Variants in BCAS3 observed in about 807,000 individuals in gnomAD.
The protein encoded by BCAS3 is BCAS4/BCAS3 fusion.
In BCAS3, 53 loss-of-function variants were observed where a neutral mutation model predicts 116.1. That is an observed-to-expected ratio of 0.46 (90% CI 0.37 to 0.57). The LOEUF is 0.57. Among genes scored for constraint, BCAS3 ranks in the 20% least tolerant of loss-of-function variants. BCAS3 has a pLI of 0.00. For missense variants in BCAS3, 917 were observed against 1,165.4 expected (o/e 0.79, Z 3.10); for synonymous variants, 391 against 408.2 (o/e 0.96, Z 0.51).
chr17:61,341,300 G>A (rs935525271), intron 22 of BCAS3, among the ~76,000 whole-genome samples: 3 of 152,180 alleles, frequency 2.0e-5, no homozygotes, highest in Non-Finnish European at 2.9e-5. Context: ...CTGGTCTAAG[G>A]GATGAGAGAG....
rs572064297 is a variant in BCAS3, at chr17:61,021,349, C to T, written c.1637+5448C>T. On this transcript the variant is annotated intron_variant, in intron 16 of 23. Coordinates refer to ENST00000407086, the MANE Select transcript of BCAS3 (RefSeq NM_017679.5). This position sits in a 1 kb window ranked among gnomAD's most constrained non-coding sequence, Gnocchi z 4.6. ...TGCTGGGATTATAGGCATGAGCAACCGCACCCGGCCATGTTTATTCATTTC... is the reference window on the plus strand; with the variant it reads ...TGCTGGGATTATAGGCATGAGCAACTGCACCCGGCCATGTTTATTCATTTC... 1.2e-4 allele frequency among the ~76,000 whole-genome samples: 19 copies of T among 152,156 alleles called. No homozygotes were observed. The South Asian group carries it at 2.3e-3, about 18-fold the overall frequency.
intron 22 of BCAS3, among the ~76,000 whole-genome samples, chr17:61,102,465 A>T (rs1278908610): frequency 6.6e-6 from 1 of 152,164 alleles, no homozygotes; most frequent in Non-Finnish European, 1.5e-5. Context: ...AAATATTATG[A>T]GGTAAAAGCA....
At position 61,391,878 on chromosome 17, in the gene BCAS3, C is replaced by T. The variant is rs1277592027; in HGVS notation, c.2594-99C>T. ...CCCCCTGCGGAAGGACACAAGTGAACCCAGAATGGTGCCTCAAGGCAGGCA... is the reference window on the plus strand; with the variant it reads ...CCCCCTGCGGAAGGACACAAGTGAATCCAGAATGGTGCCTCAAGGCAGGCA... On this transcript the variant is annotated intron_variant, in intron 23 of 23. Transcript: ENST00000407086. This position sits in a 1 kb window ranked among gnomAD's most constrained non-coding sequence, Gnocchi z 7.7. The T allele has an allele frequency of 1.5e-6, 2 of 1,356,816 alleles. No homozygotes were observed. The highest frequency in any genetic ancestry group is 2.3e-5 in the East Asian group (1 of 42,724). 84.0% of individuals were successfully genotyped at this position (1,356,816 alleles called of 1,614,324 possible). A position where few individuals can be genotyped will look rare whatever the true frequency, so the allele number is the denominator to read the frequency against.
At chr17:61,110,937 T>C (rs930587114) in intron 22 of BCAS3, among the ~76,000 whole-genome samples, 1 of 152,262 alleles carries the variant, frequency 6.6e-6, no homozygotes, top group Admixed American at 6.5e-5. Context: ...CCCTGACCCC[T>C]CAGCAGCCTA....
intron 13 of BCAS3, among the ~76,000 whole-genome samples, chr17:60,935,809 A>C (rs1331999677): frequency 6.6e-6 from 1 of 151,508 alleles, no homozygotes; most frequent in African/African-American, 2.4e-5. Flanking sequence ...TTTAAGTACT[A>C]TGATACATGG....
intron 21 of BCAS3, among the ~76,000 whole-genome samples, chr17:61,081,858 C>A (rs1262354608): frequency 6.6e-6 from 1 of 152,200 alleles, no homozygotes; most frequent in Non-Finnish European, 1.5e-5. Context: ...CTATGGCCGA[C>A]CATTGGCTTT....
intron 22 of BCAS3, among the ~76,000 whole-genome samples, chr17:61,331,329 G>A (rs1304114300): frequency 2.6e-5 from 4 of 152,000 alleles, no homozygotes; most frequent in Non-Finnish European, 5.9e-5. Context: ...ATTCTGGGAC[G>A]TTCTGTTCTC....
Position 61,090,750 on chromosome 17 carries a change from C to T in BCAS3, c.2425+6186C>T, listed in dbSNP as rs200752718. 5.9e-4 allele frequency among the ~76,000 whole-genome samples: 89 copies of T among 152,116 alleles called. No individual in the cohort carries two copies. In the East Asian group the frequency reaches 7.2e-3, roughly 12 times the overall value. The stretch of plus-strand genomic sequence containing the variant: ...TTGGCTCACTGCAACCTCTGCCTCT[C>T]GGGTTCAAGCGATTCTCCTGCCTCA... On this transcript the variant is annotated intron_variant, in intron 22 of 23. Transcript: ENST00000407086.
At chr17:60,877,505 T>A (rs1381809903) in intron 9 of BCAS3, among the ~76,000 whole-genome samples, 3 of 152,240 alleles carry the variant, frequency 2.0e-5, no homozygotes, top group Non-Finnish European at 4.4e-5. Flanking sequence ...GCTTTCCTTT[T>A]TCTTTAATGT....
In BCAS3 at chr17:61,041,352, A is replaced by T. The variant is rs1251028273; in HGVS notation, c.2029+460A>T. 6.6e-6 allele frequency among the ~76,000 whole-genome samples: 1 copy of T among 152,118 alleles called. No homozygotes were observed. The highest frequency in any genetic ancestry group is 1.9e-4 in the East Asian group (1 of 5,194). The stretch of plus-strand genomic sequence containing the variant: ...CTTGCAATAATGAGGTAAAGATTTC[A>T]ACTACATTTGTTAATTTGTTTGTTT... On this transcript the variant is annotated intron_variant, in intron 19 of 23. Coordinates refer to ENST00000407086, the MANE Select transcript of BCAS3 (RefSeq NM_017679.5). This position sits in a 1 kb window ranked among gnomAD's most constrained non-coding sequence, Gnocchi z 4.7.
At chr17:60,974,936 GGT>G (rs2062199499) in intron 14 of BCAS3, among the ~76,000 whole-genome samples, 1 of 151,492 alleles carries the variant, frequency 6.6e-6, no homozygotes, top group Admixed American at 6.6e-5. Context: ...AAGAACATCT[GGT>G]TATACCTTTT....
intron 19 of BCAS3, among the ~76,000 whole-genome samples, chr17:61,052,715 C>CTTTTTTTTTTTTT (rs60772345): frequency 1.7e-4 from 21 of 124,972 alleles, no homozygotes; most frequent in Non-Finnish European, 2.8e-4. Flanking sequence ...TTCTTTCTTT[C>CTTTTTTTTTTTTT]TTTTTTTTTT....
At chr17:61,177,361 A>G (rs1278770031) in intron 22 of BCAS3, among the ~76,000 whole-genome samples, 2 of 152,246 alleles carry the variant, frequency 1.3e-5, no homozygotes, top group Non-Finnish European at 2.9e-5. Context: ...ATAAAATGGA[A>G]TACTACTCAG....
Position 61,307,444 on chromosome 17 carries a change from C to T in BCAS3, c.2426-60883C>T, listed in dbSNP as rs2053939075. On this transcript the variant is annotated intron_variant, in intron 22 of 23. Transcript: ENST00000407086. This position sits in a 1 kb window ranked among gnomAD's most constrained non-coding sequence, Gnocchi z 4.7. ...TGTTTTCTTTTTCCCATTGCATTTA[C>T]TACAGTTACAACGATAATAAATGTT... Among the ~76,000 whole-genome samples the T allele has an allele frequency of 6.6e-6, 1 of 152,238 alleles. No homozygotes were observed. Among genetic ancestry groups the T allele is most frequent in the Non-Finnish European group, 1.5e-5 (1 of 68,040 alleles).
intron 22 of BCAS3, among the ~76,000 whole-genome samples, chr17:61,216,381 C>G (rs990925024): frequency 6.6e-6 from 1 of 152,064 alleles, no homozygotes; most frequent in Non-Finnish European, 1.5e-5. Context: ...TTTTTTCTTT[C>G]AGCAGTTGGC....
chr17:61,036,931 T>C (rs2067082588), intron 17 of BCAS3, among the ~76,000 whole-genome samples: 1 of 152,138 alleles, frequency 6.6e-6, no homozygotes, highest in South Asian at 2.1e-4. Flanking sequence ...TAAAGGAGCT[T>C]TAGGTTCACA....
intron 22 of BCAS3, among the ~76,000 whole-genome samples, chr17:61,303,321 A>G (rs2053597629): frequency 6.6e-6 from 1 of 152,180 alleles, no homozygotes; most frequent in Admixed American, 6.5e-5. Context: ...AAGAATGTAA[A>G]CAAGCACCCG....
At position 61,251,309 on chromosome 17, in the gene BCAS3, C is replaced by T. The variant is rs2048349406; in HGVS notation, c.2426-117018C>T. Among the ~76,000 whole-genome samples, 1 of 152,168 alleles carries T rather than the reference C, an allele frequency of 6.6e-6. No homozygotes were observed. Among genetic ancestry groups the T allele is most frequent in the Admixed American group, 6.5e-5 (1 of 15,270 alleles). On this transcript the variant is annotated intron_variant, in intron 22 of 23. Coordinates refer to ENST00000407086, the MANE Select transcript of BCAS3 (RefSeq NM_017679.5). This position sits in a 1 kb window ranked among gnomAD's most constrained non-coding sequence, Gnocchi z 4.7. The stretch of plus-strand genomic sequence containing the variant: ...ACTGGGCTGGGTGTGGTGGCTCATG[C>T]CTGTAATCCCAGCACTCTGGGAGGC...
At chr17:60,773,217 G>A (rs1371616823) in intron 6 of BCAS3, among the ~76,000 whole-genome samples, 1 of 151,036 alleles carries the variant, frequency 6.6e-6, no homozygotes, top group Non-Finnish European at 1.5e-5. Flanking sequence ...ATATGATGTG[G>A]AATATCTTTA....
Sources: allele counts gnomAD v4.1 joint callset (sites outside exome capture counted in the v4.1 genomes callset), GRCh38; gene constraint gnomAD v4.1.1; non-coding constraint Gnocchi (gnomAD v3.1); transcripts MANE v1.5; gene names NCBI Gene and HGNC (gene_info 2026-07-23, HGNC 2026-07-21).